The following POLR3F variants were observed in gnomAD, a reference collection of about 807,000 sequenced individuals.
The protein encoded by POLR3F is RNA polymerase III subunit F.
In POLR3F, 31 loss-of-function variants were observed where a neutral mutation model predicts 43.6. The observed-to-expected ratio is 0.71, with a 90% CI of 0.53 to 0.96. The LOEUF is 0.96. Ranked by LOEUF, POLR3F falls within the 40% of genes least tolerant of loss-of-function variation. POLR3F has a pLI of 0.00. For synonymous variants in POLR3F, 114 were observed against 132.5 expected (o/e 0.86, Z 0.96); for missense variants, 316 against 391.7 (o/e 0.81, Z 1.63).
rs2059828077 is a variant in POLR3F, at chr20:18,484,531, A to T, written c.*973A>T. On this transcript the variant is annotated 3_prime_UTR_variant, in exon 9 of 9. Transcript: ENST00000377603. ...TCTGCCATGTGAAAGGGAGAAGACAAACATCCACGAACCAGGAAGTGGGTC... is the reference window on the plus strand; with the variant it reads ...TCTGCCATGTGAAAGGGAGAAGACATACATCCACGAACCAGGAAGTGGGTC... The T allele has an allele frequency of 1.8e-5, 3 of 167,212 alleles. No individual in the cohort carries two copies. In the East Asian group the frequency reaches 4.8e-4, roughly 27 times the overall value. The allele number at this position is 167,212 out of a possible 1,614,324, so 10.4% of individuals were successfully genotyped here. A position where few individuals can be genotyped will look rare whatever the true frequency, so the allele number is the denominator to read the frequency against.
Position 18,467,689 on chromosome 20 carries a change from A to G in POLR3F, c.62+121A>G, listed in dbSNP as rs2148855607. 3.2e-6 allele frequency: 5 copies of G among 1,539,398 alleles called. No individual in the cohort carries two copies. The East Asian group carries it at 1.2e-4, about 37-fold the overall frequency. ...CGGGTTAGGTGAGCACGCGGGAAAAACGATTGCGGGGTTCTGGACCCACTT... is the reference window on the plus strand; with the variant it reads ...CGGGTTAGGTGAGCACGCGGGAAAAGCGATTGCGGGGTTCTGGACCCACTT... On this transcript the variant is annotated intron_variant, in intron 1 of 8. Transcript: ENST00000377603.
chr20:18,480,208 T>G, intron 6 of POLR3F, 27 bp downstream of exon 6: 1 of 1,578,622 alleles, frequency 6.3e-7, no homozygotes, highest in Non-Finnish European at 8.6e-7. Flanking sequence ...GAAACATCAC[T>G]GCAAACCCTC....
chr20:18,481,914 G>A lies in POLR3F; in HGVS notation c.873+104G>A, dbSNP rs2059812448. The A allele has an allele frequency of 1.5e-5, 10 of 669,666 alleles. No individual in the cohort carries two copies. The East Asian group carries it at 2.6e-4, about 17-fold the overall frequency. 41.5% of individuals were successfully genotyped at this position (669,666 alleles called of 1,614,324 possible). A position where few individuals can be genotyped will look rare whatever the true frequency, so the allele number is the denominator to read the frequency against. ...CCAGTTTTCTCAGACTCTTAGGGTT[G>A]ACCAAGAGCTATTCAAACCTCCATG... On this transcript the variant is annotated intron_variant, in intron 8 of 8. Transcript: ENST00000377603.
At chr20:18,476,539 G>A (rs908399553) in intron 5 of POLR3F, among the ~76,000 whole-genome samples, 7 of 152,174 alleles carry the variant, frequency 4.6e-5, no homozygotes, top group Non-Finnish European at 8.8e-5. Context: ...TTAGATCTCA[G>A]TGTAAAGTGC....
At chr20:18,482,315 C>T (rs994042676) in intron 8 of POLR3F, among the ~76,000 whole-genome samples, 1 of 152,130 alleles carries the variant, frequency 6.6e-6, no homozygotes, top group African/African-American at 2.4e-5. Flanking sequence ...GGAACAACCA[C>T]ATTAAGGATA....
chr20:18,483,694 C>T lies in POLR3F; in HGVS notation c.*136C>T, dbSNP rs2059822923. 1.4e-5 allele frequency: 6 copies of T among 433,378 alleles called. No individual in the cohort carries two copies. The highest frequency in any genetic ancestry group is 4.1e-6 in the Non-Finnish European group (1 of 245,968). The allele number at this position is 433,378 out of a possible 1,614,324, so 26.8% of individuals were successfully genotyped here. The stretch of plus-strand genomic sequence containing the variant: ...GGACGTAGACTTGCTGCTATGAAAA[C>T]ATATTTTTTTTATTTATGAAGACTA... On this transcript the variant is annotated 3_prime_UTR_variant, in exon 9 of 9. Transcript: ENST00000377603.
At chr20:18,481,967 A>C (rs1482137386) in intron 8 of POLR3F, among the ~76,000 whole-genome samples, 157 bp downstream of exon 8, 1 of 149,936 alleles carries the variant, frequency 6.7e-6, no homozygotes, top group African/African-American at 2.5e-5. Flanking sequence ...CCTTTAATGA[A>C]CACATCATTC....
intron 7 of POLR3F, among the ~76,000 whole-genome samples, chr20:18,480,805 T>C (rs2059805997): frequency 6.6e-6 from 1 of 151,954 alleles, no homozygotes; most frequent in Non-Finnish European, 1.5e-5. Flanking sequence ...CAAGTGATCC[T>C]CCTGCGTTGG....
At chr20:18,474,517 ATT>A (rs11476411) in intron 4 of POLR3F, among the ~76,000 whole-genome samples, 1 of 150,636 alleles carries the variant, frequency 6.6e-6, no homozygotes, top group Non-Finnish European at 1.5e-5. Context: ...CGTTTTCATA[ATT>A]TTTTTTTTCT....
chr20:18,477,533 A>T (rs760171829), intron 5 of POLR3F, among the ~76,000 whole-genome samples: 2 of 152,260 alleles, frequency 1.3e-5, no homozygotes, highest in Non-Finnish European at 2.9e-5. Flanking sequence ...CTTTATTCAT[A>T]ATCAAAAACT....
intron 2 of POLR3F, among the ~76,000 whole-genome samples, chr20:18,471,758 G>A (rs1372356594): frequency 4.6e-5 from 7 of 152,204 alleles, no homozygotes; most frequent in African/African-American, 1.7e-4. Flanking sequence ...CGAGGTAGGC[G>A]GATCACTAGA....
chr20:18,482,489 G>A (rs927823587), intron 8 of POLR3F, among the ~76,000 whole-genome samples: 1 of 152,100 alleles, frequency 6.6e-6, no homozygotes, highest in Non-Finnish European at 1.5e-5. Flanking sequence ...TTACATTCTT[G>A]AAGCTAGTGG....
chr20:18,481,217 C>T (rs1459217969), intron 7 of POLR3F, among the ~76,000 whole-genome samples: 1 of 152,056 alleles, frequency 6.6e-6, no homozygotes, highest in Non-Finnish European at 1.5e-5. Flanking sequence ...TCTCCCATTT[C>T]ACAGCAGAAT....
chr20:18,468,354 C>G (rs920936338), intron 1 of POLR3F, among the ~76,000 whole-genome samples: 1 of 152,226 alleles, frequency 6.6e-6, no homozygotes, highest in South Asian at 2.1e-4. Flanking sequence ...GGATTACAGG[C>G]GTGAGCCACC....
At chr20:18,479,783 T>C (rs925002271) in intron 5 of POLR3F, among the ~76,000 whole-genome samples, 6 of 152,090 alleles carry the variant, frequency 3.9e-5, no homozygotes, top group African/African-American at 1.2e-4. Flanking sequence ...AAAGGAACAT[T>C]AGGACTAATG....
chr20:18,477,170 G>A (rs2059784974), intron 5 of POLR3F, among the ~76,000 whole-genome samples: 1 of 151,356 alleles, frequency 6.6e-6, no homozygotes, highest in Non-Finnish European at 1.5e-5. Context: ...ACATACAGAT[G>A]GCAGATAAGC....
At position 18,481,420 on chromosome 20, in the gene POLR3F, G is replaced by T. The variant is rs181720612; in HGVS notation, c.682-199G>T. Among the ~76,000 whole-genome samples, 176 of 151,752 alleles carry T rather than the reference G, an allele frequency of 1.2e-3. 2 individuals are homozygous for T. Among genetic ancestry groups the T allele is most frequent in the African/African-American group, 3.9e-3 (162 of 41,308 alleles). On this transcript the variant is annotated intron_variant, in intron 7 of 8. Coordinates refer to ENST00000377603, the MANE Select transcript of POLR3F (RefSeq NM_006466.4). ...CCATACCCAGCTAATTGTATTTTTAGTAGAGACAGGGTTTTGCCATGTTGG... is the reference window on the plus strand; with the variant it reads ...CCATACCCAGCTAATTGTATTTTTATTAGAGACAGGGTTTTGCCATGTTGG...
chr20:18,467,696 CG>C, intron 1 of POLR3F, 128 bp downstream of exon 1: 1 of 1,528,056 alleles, frequency 6.5e-7, no homozygotes, highest in Non-Finnish European at 8.8e-7. Context: ...AAAACGATTG[CG>C]GGGTTCTGGA....
intron 1 of POLR3F, 34 bp downstream of exon 1, chr20:18,467,602 C>T: frequency 6.2e-7 from 1 of 1,614,078 alleles, no homozygotes; most frequent in Non-Finnish European, 8.5e-7. Flanking sequence ...GGCACTCCAT[C>T]AGGCGCCCAG....
Sources: gnomAD v4.1 joint callset for allele counts (sites outside exome capture counted in the v4.1 genomes callset) on GRCh38, gnomAD v4.1.1 for gene constraint, MANE v1.5 for transcripts, NCBI Gene and HGNC (gene_info 2026-07-23, HGNC 2026-07-21) for gene names.